TANGO2: variants seen among roughly 807,000 people sequenced by gnomAD.
TANGO2 encodes the protein transport and golgi organization 2 homolog.
A neutral mutation model predicts 39.1 loss-of-function variants in TANGO2; 26 were observed. The ratio of observed to expected loss-of-function variants is 0.67; its 90% CI spans 0.49 to 0.92. The LOEUF (loss-of-function observed/expected upper bound fraction) is 0.92. TANGO2 is among the 40% of genes least tolerant of loss of function. TANGO2 has a pLI of 0.00. For missense variants in TANGO2, 326 were observed against 360.1 expected (o/e 0.91, Z 0.77); for synonymous variants, 131 against 144.5 (o/e 0.91, Z 0.67).
intron 1 of TANGO2, among the ~76,000 whole-genome samples, chr22:20,028,119 T>C (rs1160332937): frequency 6.6e-6 from 1 of 152,026 alleles, no homozygotes; most frequent in African/African-American, 2.4e-5. Flanking sequence ...ATATTATTAG[T>C]ATTATATTGA....
At chr22:20,058,022 A>G (rs1421816682) in intron 6 of TANGO2, 2 of 133,098 alleles carry the variant, frequency 1.5e-5, no homozygotes, top group African/African-American at 5.5e-5. Flanking sequence ...CCTGGTCCAC[A>G]TTGCCTTTTT....
intron 7 of TANGO2, chr22:20,061,891 GGGCCCA>G (rs3217042): frequency 1.1e-4 from 67 of 616,750 alleles, no homozygotes; most frequent in Middle Eastern, 4.6e-4. Context: ...GACAGAAGAT[GGGCCCA>G]GGCCCAGGCC....
rs201345851 is a variant in TANGO2 at position 20,036,795 on chromosome 22, C to T, written c.-4C>T. The T allele has an allele frequency of 3.1e-6, 5 of 1,614,232 alleles. No homozygotes were observed. Among genetic ancestry groups the T allele is most frequent in the Non-Finnish European group, 8.5e-7 (1 of 1,180,048 alleles). On this transcript the variant is annotated 5_prime_UTR_variant, in exon 2 of 9. Coordinates refer to ENST00000327374, the MANE Select transcript of TANGO2 (RefSeq NM_152906.7). The stretch of plus-strand genomic sequence containing the variant: ...CTGTGTCAGCAGAGCCGCCCTGCAC[C>T]ACCATGTGCATCATCTTCTTTAAGT...
At chr22:20,052,877 C>T (rs975021009) in intron 4 of TANGO2, among the ~76,000 whole-genome samples, 8 of 152,176 alleles carry the variant, frequency 5.3e-5, no homozygotes, top group African/African-American at 1.4e-4. Flanking sequence ...GGGTGGCTTC[C>T]GTGGGCATAT....
At chr22:20,053,380 C>G in intron 4 of TANGO2, 57 bp from the exon 5 acceptor site, 1 of 1,292,600 alleles carries the variant, frequency 7.7e-7, no homozygotes, top group Non-Finnish European at 1.1e-6. Flanking sequence ...ATCAGTGTTC[C>G]TGGGAGAAGA....
At chr22:20,046,438 G>A (rs1374610028) in intron 3 of TANGO2, among the ~76,000 whole-genome samples, 1 of 150,432 alleles carries the variant, frequency 6.6e-6, no homozygotes, top group African/African-American at 2.5e-5. Context: ...AATAAGCCAT[G>A]GTGCCCAGCC....
intron 1 of TANGO2, chr22:20,033,010 T>C: frequency 2.7e-6 from 1 of 364,292 alleles, no homozygotes; most frequent in South Asian, 2.2e-5. Flanking sequence ...GGGCTTGGCT[T>C]AGGGAGCACA....
chr22:20,060,370 A>T (rs1196544313), intron 6 of TANGO2, among the ~76,000 whole-genome samples: 1 of 143,956 alleles, frequency 6.9e-6, no homozygotes, highest in East Asian at 2.1e-4. Flanking sequence ...AAAAAAAAAG[A>T]GATCCTCCCT....
In TANGO2 at chr22:20,026,847, C is replaced by T. The variant is rs564094033; in HGVS notation, c.-40+5601C>T. Among the ~76,000 whole-genome samples the T allele has an allele frequency of 6.6e-5, 10 of 152,284 alleles. No individual in the cohort carries two copies. In the South Asian group the frequency reaches 1.2e-3, roughly 19 times the overall value. ...AACAGGTTCTGGTGCTAGACGTTAG[C>T]GGGGACTTGGCCAAGTCTGTTTATC... On this transcript the variant is annotated intron_variant, in intron 1 of 8. Coordinates refer to ENST00000327374, the MANE Select transcript of TANGO2 (RefSeq NM_152906.7).
rs1243079379 is a variant in TANGO2 at position 20,057,172 on chromosome 22, C to G, written c.451+1159C>G. The stretch of plus-strand genomic sequence containing the variant: ...GCCCGAGGGAGATGATAAGCAGTCC[C>G]CAGGACAGCTGAGTGGCCCCATCCC... On this transcript the variant is annotated intron_variant, in intron 6 of 8. Coordinates refer to ENST00000327374, the MANE Select transcript of TANGO2 (RefSeq NM_152906.7). The surrounding 1 kb of genome is among the most constrained non-coding windows in gnomAD (Gnocchi z 4.1). Among the ~76,000 whole-genome samples the G allele has an allele frequency of 6.6e-6, 1 of 152,166 alleles. No homozygotes were observed. The highest frequency in any genetic ancestry group is 1.5e-5 in the Non-Finnish European group (1 of 68,016).
At chr22:20,051,476 A>C (rs1163981420) in intron 3 of TANGO2, among the ~76,000 whole-genome samples, 3 of 152,092 alleles carry the variant, frequency 2.0e-5, no homozygotes, top group African/African-American at 7.2e-5. Context: ...GGTTGCAGTG[A>C]GCCGAGAGCA....
chr22:20,025,013 G>A (rs1478268921), intron 1 of TANGO2, among the ~76,000 whole-genome samples: 1 of 151,798 alleles, frequency 6.6e-6, no homozygotes, highest in Non-Finnish European at 1.5e-5. Context: ...CCATAGAAAT[G>A]TCCCAGCCCT....
chr22:20,027,990 G>T (rs2041117467), intron 1 of TANGO2, among the ~76,000 whole-genome samples: 1 of 152,010 alleles, frequency 6.6e-6, no homozygotes, highest in African/African-American at 2.4e-5. Flanking sequence ...GTAGAGACCG[G>T]GTTTCACCGT....
intron 1 of TANGO2, 61 bp from the exon 2 acceptor site, chr22:20,036,699 T>C: frequency 6.9e-7 from 1 of 1,448,660 alleles, no homozygotes. Context: ...CTGTTGCAGG[T>C]TCGGAGGGCA....
rs370443488 is a variant in TANGO2 at position 20,032,199 on chromosome 22, C to G, written c.-39-4561C>G. Among the ~76,000 whole-genome samples, 4 of 152,280 alleles carry G rather than the reference C, an allele frequency of 2.6e-5. No homozygotes were observed. In the East Asian group the frequency reaches 7.7e-4, roughly 29 times the overall value. On this transcript the variant is annotated intron_variant, in intron 1 of 8. Coordinates refer to ENST00000327374, the MANE Select transcript of TANGO2 (RefSeq NM_152906.7). Reference sequence around the variant, plus strand: ...TCACCTGCCCCACCCGCCCTGTAACCTACTTGCCCAACTGCTATCCCGGTG... The same window carrying G: ...TCACCTGCCCCACCCGCCCTGTAACGTACTTGCCCAACTGCTATCCCGGTG...
At chr22:20,023,992 G>A (rs1194630610) in intron 1 of TANGO2, among the ~76,000 whole-genome samples, 2 of 152,138 alleles carry the variant, frequency 1.3e-5, no homozygotes, top group Non-Finnish European at 2.9e-5. Flanking sequence ...GATCAGCCTG[G>A]CCAACATAGT....
At chr22:20,025,867 G>T (rs759512084) in intron 1 of TANGO2, among the ~76,000 whole-genome samples, 17 of 152,222 alleles carry the variant, frequency 1.1e-4, no homozygotes, top group Non-Finnish European at 1.8e-4. Flanking sequence ...GGACAGTCTG[G>T]AGGGTGCCCT....
intron 3 of TANGO2, among the ~76,000 whole-genome samples, chr22:20,049,938 G>A (rs377235773): frequency 2.6e-5 from 4 of 152,190 alleles, no homozygotes; most frequent in African/African-American, 7.2e-5. Context: ...GCTGGGCACG[G>A]TGGCTCACGC....
chr22:20,021,718 G>C (rs112808087), intron 1 of TANGO2, among the ~76,000 whole-genome samples: 8 of 152,340 alleles, frequency 5.3e-5, no homozygotes, highest in African/African-American at 1.9e-4. Flanking sequence ...GGTAGGGGCT[G>C]GCAGGGCTGC....
Sources: gnomAD v4.1 joint callset for allele counts (sites outside exome capture counted in the v4.1 genomes callset) on GRCh38, gnomAD v4.1.1 for gene constraint, Gnocchi (gnomAD v3.1) non-coding constraint, MANE v1.5 for transcripts, NCBI Gene and HGNC (gene_info 2026-07-23, HGNC 2026-07-21) for gene names.